The following SERPINB10 variants were observed in gnomAD, a reference collection of about 807,000 sequenced individuals.
SERPINB10 encodes serpin family B member 10.
In SERPINB10, 35 loss-of-function variants were observed where a neutral mutation model predicts 39.1. The ratio of observed to expected loss-of-function variants is 0.90; its 90% CI spans 0.68 to 1.19. SERPINB10 has a LOEUF of 1.19. Among genes scored for constraint, SERPINB10 ranks in the 50% most tolerant of loss-of-function variants. SERPINB10 has a pLI of 0.00. For synonymous variants in SERPINB10, 190 were observed against 158.1 expected (o/e 1.20, Z -1.52); for missense variants, 546 against 460.5 (o/e 1.19, Z -1.70).
chr18:63,919,979 T>C (rs1249972760), intron 5 of SERPINB10, 74 bp downstream of exon 5: 4 of 838,828 alleles, frequency 4.8e-6, no homozygotes, highest in Non-Finnish European at 7.8e-6. Flanking sequence ...TTGTGTCATA[T>C]GTAAGTATGT....
At chr18:63,932,864 G>A (rs2050232813) in intron 6 of SERPINB10, among the ~76,000 whole-genome samples, 184 bp from the exon 7 acceptor site, 1 of 152,102 alleles carries the variant, frequency 6.6e-6, no homozygotes, top group Non-Finnish European at 1.5e-5. Context: ...ATCTGCTATT[G>A]CTGATACTTT....
intron 1 of SERPINB10, among the ~76,000 whole-genome samples, chr18:63,909,731 G>A (rs1021966740): frequency 3.9e-5 from 6 of 151,926 alleles, no homozygotes; most frequent in Admixed American, 6.6e-5. Flanking sequence ...AACATTTTCC[G>A]TGTAAATTTA....
At chr18:63,921,485 C>T (rs529861916) in intron 5 of SERPINB10, among the ~76,000 whole-genome samples, 1 of 152,068 alleles carries the variant, frequency 6.6e-6, no homozygotes, top group Admixed American at 6.6e-5. Flanking sequence ...TTTGCTTCCT[C>T]TTAAATGTTT....
At position 63,930,205 on chromosome 18, in the gene SERPINB10, A is replaced by G; in HGVS notation, c.633+18A>G. ...TAAACGAGGTAGGAAATTTTTAAAG[A>G]TCAGTTTGGATTTTCACATGGCATT... On this transcript the variant is annotated intron_variant, in intron 6 of 7. Transcript: ENST00000238508. The G allele has an allele frequency of 4.3e-6, 7 of 1,610,694 alleles. No individual in the cohort carries two copies. The highest frequency in any genetic ancestry group is 5.9e-6 in the Non-Finnish European group (7 of 1,178,522).
At chr18:63,932,936 G>T in intron 6 of SERPINB10, 112 bp from the exon 7 acceptor site, 1 of 947,084 alleles carries the variant, frequency 1.1e-6, no homozygotes, top group Non-Finnish European at 1.6e-6. Context: ...ATTTAGCAGA[G>T]AATCAGCAGT....
At chr18:63,925,173 T>C (rs1445982973) in intron 5 of SERPINB10, among the ~76,000 whole-genome samples, 3 of 152,014 alleles carry the variant, frequency 2.0e-5, no homozygotes, top group Admixed American at 1.3e-4. Context: ...GTTATTAGAT[T>C]GGAAGTGAAA....
chr18:63,930,231 G>A (rs1427791764), intron 6 of SERPINB10, 44 bp downstream of exon 6: 2 of 1,581,856 alleles, frequency 1.3e-6, no homozygotes, highest in Non-Finnish European at 1.7e-6. Context: ...ACATGGCATT[G>A]TACAAGTGAT....
intron 2 of SERPINB10, among the ~76,000 whole-genome samples, chr18:63,916,224 C>T (rs1055750333): frequency 1.3e-5 from 2 of 148,218 alleles, no homozygotes; most frequent in Non-Finnish European, 2.9e-5. Context: ...ATCCTCAAAA[C>T]ATTGTGCGTA....
chr18:63,910,773 T>C (rs1204128782), intron 1 of SERPINB10, among the ~76,000 whole-genome samples: 7 of 151,982 alleles, frequency 4.6e-5, no homozygotes, highest in Admixed American at 4.6e-4. Context: ...TGTGTGTGTG[T>C]GTGTGTGTCT....
At position 63,917,542 on chromosome 18, in the gene SERPINB10, T is replaced by C. The variant is rs770292795; in HGVS notation, c.234+21T>C. 6.7e-6 allele frequency: 9 copies of C among 1,341,998 alleles called. No individual in the cohort carries two copies. In the Admixed American group the frequency reaches 9.6e-5, roughly 14 times the overall value. The allele number at this position is 1,341,998 out of a possible 1,614,324, so 83.1% of individuals were successfully genotyped here. ...AAATGGTATATCTTATCCTTTAATA[T>C]ATATTTCATAATTAAGGAAAAAGTA... On this transcript the variant is annotated intron_variant, in intron 3 of 7. Transcript: ENST00000238508.
intron 4 of SERPINB10, 105 bp downstream of exon 4, chr18:63,918,207 G>A (rs1004088088): frequency 2.4e-5 from 29 of 1,218,908 alleles, no homozygotes; most frequent in Admixed American, 2.3e-4. Flanking sequence ...CAATCTTCAT[G>A]TGGTCAGTAC....
At chr18:63,932,292 G>A (rs1467117482) in intron 6 of SERPINB10, among the ~76,000 whole-genome samples, 1 of 152,152 alleles carries the variant, frequency 6.6e-6, no homozygotes, top group South Asian at 2.1e-4. Flanking sequence ...TTGCTGCATC[G>A]TATGGTAAGA....
intron 5 of SERPINB10, among the ~76,000 whole-genome samples, chr18:63,920,519 C>A (rs1043933445): frequency 2.6e-5 from 4 of 151,994 alleles, no homozygotes; most frequent in Non-Finnish European, 5.9e-5. Flanking sequence ...TGGCTTCCAT[C>A]TCTAGGTGCA....
In SERPINB10 at chr18:63,915,571, G is replaced by A. The variant is rs1218344042; in HGVS notation, c.61G>A (p.Glu21Lys). 1 of 1,612,666 alleles carries A rather than the reference G, an allele frequency of 6.2e-7. No individual in the cohort carries two copies. Among genetic ancestry groups the A allele is most frequent in the South Asian group, 1.1e-5 (1 of 91,024 alleles). ...FALELSKKLA[E>K]SAQGKNIFFS... ...CCTGGAGTTGAGCAAAAAGCTAGCT[G>A]AATCTGCTCAGGGTAAAAATATCTT... The change falls in exon 2 of 8, where the codon GAA becomes AAA. Residue 21 changes from glutamate (E) to lysine (K), a missense_variant. By Grantham distance (56) the Glu-to-Lys change is moderately conservative. Coordinates refer to ENST00000238508, the MANE Select transcript of SERPINB10 (RefSeq NM_005024.3).
chr18:63,909,678 C>T (rs1322238030), intron 1 of SERPINB10, among the ~76,000 whole-genome samples: 1 of 152,032 alleles, frequency 6.6e-6, no homozygotes, highest in East Asian at 1.9e-4. Flanking sequence ...TGAAATGGTA[C>T]TTTCTCCCCA....
At chr18:63,914,200 G>T (rs1364399212) in intron 1 of SERPINB10, among the ~76,000 whole-genome samples, 5 of 152,120 alleles carry the variant, frequency 3.3e-5, no homozygotes, top group Non-Finnish European at 7.4e-5. Flanking sequence ...ACATTAATGG[G>T]TCTTGTTTTT....
intron 5 of SERPINB10, among the ~76,000 whole-genome samples, chr18:63,929,734 GA>G (rs796777562): frequency 0.057 from 6,458 of 112,642 alleles, 95 homozygotes; most frequent in Non-Finnish European, 0.069. Flanking sequence ...AAAAAAAAAA[GA>G]AAAAAAAAAA....
In SERPINB10 at chr18:63,919,768, T is replaced by C. The variant is rs532905989; in HGVS notation, c.373-20T>C. The C allele has an allele frequency of 2.5e-5, 38 of 1,504,994 alleles. No homozygotes were observed. The South Asian group carries it at 3.6e-4, about 14-fold the overall frequency. 93.2% of individuals were successfully genotyped at this position (1,504,994 alleles called of 1,614,324 possible). ...TTTGAACAAACTCTACAAAAGGGGATTTTTATCTATGTCTTTCAGAAATAT... is the reference window on the plus strand; with the variant it reads ...TTTGAACAAACTCTACAAAAGGGGACTTTTATCTATGTCTTTCAGAAATAT... On this transcript the variant is annotated intron_variant, in intron 4 of 7. Transcript: ENST00000238508.
At chr18:63,933,716 T>C (rs1190295652) in intron 7 of SERPINB10, among the ~76,000 whole-genome samples, 1 of 152,246 alleles carries the variant, frequency 6.6e-6, no homozygotes, top group East Asian at 1.9e-4. Flanking sequence ...AAAGTCTCTA[T>C]CAATACTGTC....
Sources: allele counts gnomAD v4.1 joint callset (sites outside exome capture counted in the v4.1 genomes callset), GRCh38; gene constraint gnomAD v4.1.1; transcripts MANE v1.5; gene names NCBI Gene and HGNC (gene_info 2026-07-23, HGNC 2026-07-21).